The following BCL9 variants were observed in gnomAD, a reference collection of about 807,000 sequenced individuals.
The protein encoded by BCL9 is BCL9 transcription coactivator.
In BCL9, 25 loss-of-function variants were observed where a neutral mutation model predicts 88.5. The ratio of observed to expected loss-of-function variants is 0.28; its 90% confidence interval spans 0.21 to 0.39. The LOEUF is 0.39. Among genes scored for constraint, BCL9 ranks in the 10% least tolerant of loss-of-function variants. The probability of loss-of-function intolerance (pLI) is 1.00; values close to 1 mark genes in which losing one functional copy is unlikely to be tolerated. For missense variants in BCL9, 1,817 were observed against 1,877.8 expected (o/e 0.97, Z 0.60); for synonymous variants, 711 against 673.3 (o/e 1.06, Z -0.87).
At chr1:147,560,143 G>A (rs1210812838) in intron 1 of BCL9, among the ~76,000 whole-genome samples, 3 of 152,200 alleles carry the variant, frequency 2.0e-5, no homozygotes, top group Admixed American at 6.5e-5. Context: ...TATCAAGCTT[G>A]TTGGTAGGCA....
chr1:147,605,719 AGAG>A (rs1657665259), intron 2 of BCL9, among the ~76,000 whole-genome samples: 2 of 152,118 alleles, frequency 1.3e-5, no homozygotes, highest in Non-Finnish European at 2.9e-5. Context: ...ACTTTTTCTG[AGAG>A]GAAGCCTTTT....
chr1:147,568,095 C>T (rs1485568859), intron 1 of BCL9, among the ~76,000 whole-genome samples: 1 of 152,204 alleles, frequency 6.6e-6, no homozygotes, highest in Non-Finnish European at 1.5e-5. Context: ...CTAATGATCT[C>T]ACCTACCTCT....
At chr1:147,605,568 A>G (rs1657654501) in intron 2 of BCL9, among the ~76,000 whole-genome samples, 1 of 152,236 alleles carries the variant, frequency 6.6e-6, no homozygotes, top group African/African-American at 2.4e-5. Context: ...GTTAGCTATT[A>G]AAAGGTGACA....
chr1:147,622,217 C>A, intron 8 of BCL9, 54 bp from the exon 9 acceptor site: 1 of 1,607,684 alleles, frequency 6.2e-7, no homozygotes, highest in Non-Finnish European at 8.5e-7. Flanking sequence ...GCCCAATACC[C>A]TTCAAAAGGA....
chr1:147,581,365 T>A (rs1056381107), intron 1 of BCL9, among the ~76,000 whole-genome samples: 3 of 152,214 alleles, frequency 2.0e-5, no homozygotes, highest in Admixed American at 2.0e-4. Context: ...AAGGGAACCC[T>A]CTGTTTTCTT....
At chr1:147,579,159 C>T (rs1289968260) in intron 1 of BCL9, among the ~76,000 whole-genome samples, 1 of 152,172 alleles carries the variant, frequency 6.6e-6, no homozygotes, top group African/African-American at 2.4e-5. Context: ...AGCCACCGCG[C>T]CCAGCTGAAA....
At chr1:147,592,732 C>A (rs587610405) in intron 1 of BCL9, among the ~76,000 whole-genome samples, 58 of 152,260 alleles carry the variant, frequency 3.8e-4, no homozygotes, top group Non-Finnish European at 1.0e-4. Flanking sequence ...TTTGGAAAAT[C>A]CAGAGATGAC....
At chr1:147,548,552 C>A (rs373832940) in intron 1 of BCL9, among the ~76,000 whole-genome samples, 8 of 152,306 alleles carry the variant, frequency 5.3e-5, no homozygotes, top group African/African-American at 1.9e-4. Context: ...TATCATACTG[C>A]ACTAGAATCA....
At chr1:147,555,392 C>T (rs1268344434) in intron 1 of BCL9, among the ~76,000 whole-genome samples, 2 of 152,222 alleles carry the variant, frequency 1.3e-5, no homozygotes, top group Admixed American at 1.3e-4. Flanking sequence ...TAAGCCCTCT[C>T]TTCCCCTGTA....
chr1:147,543,756 G>A (rs782109502), intron 1 of BCL9, among the ~76,000 whole-genome samples: 11 of 152,112 alleles, frequency 7.2e-5, no homozygotes, highest in East Asian at 1.9e-4. Context: ...GATCTGAGGC[G>A]GGTGCAACAA....
chr1:147,612,836 C>CAGCT (rs1553202820), intron 4 of BCL9, 47 bp from the exon 5 acceptor site: 1 of 1,582,222 alleles, frequency 6.3e-7, no homozygotes, highest in Admixed American at 1.7e-5. Context: ...TTGTGCTGAC[C>CAGCT]AGCTGTATCT....
chr1:147,623,354 T>C (rs1458681124), intron 9 of BCL9, among the ~76,000 whole-genome samples: 1 of 152,228 alleles, frequency 6.6e-6, no homozygotes. Context: ...GAACATTTCG[T>C]GGAATCTCGA....
chr1:147,624,961 C>T lies in BCL9; in HGVS notation c.*2C>T. 2 of 1,604,542 alleles carry T rather than the reference C, an allele frequency of 1.2e-6. No individual in the cohort carries two copies. Among genetic ancestry groups the T allele is most frequent in the Non-Finnish European group, 1.7e-6 (2 of 1,172,520 alleles). On this transcript the variant is annotated 3_prime_UTR_variant, in exon 10 of 10. Transcript: ENST00000234739. This position sits in a 1 kb window ranked among gnomAD's most constrained non-coding sequence, Gnocchi z 4.4. ...AACCCAGGAAACATGATGTTTTAAG[C>T]TGCTAAGATGGGATGTGCCGATCCT... is the stretch of plus-strand genomic sequence containing the variant.
intron 1 of BCL9, among the ~76,000 whole-genome samples, chr1:147,556,414 G>A (rs1406569332): frequency 1.3e-5 from 2 of 151,454 alleles, no homozygotes; most frequent in East Asian, 1.9e-4. Context: ...GTGAGCCACC[G>A]CGCCCAGCCT....
At chr1:147,600,122 G>A (rs1453529303) in intron 1 of BCL9, 1 of 152,470 alleles carries the variant, frequency 6.6e-6, no homozygotes, top group Non-Finnish European at 1.5e-5. Flanking sequence ...GGACCGGGAG[G>A]GGGGAGCCGG....
chr1:147,618,708 A>T, intron 7 of BCL9, 108 bp from the exon 8 acceptor site: 1 of 1,093,800 alleles, frequency 9.1e-7, no homozygotes, highest in Non-Finnish European at 1.2e-6. Context: ...AGCCAGTGTC[A>T]GTTAGATTTA....
chr1:147,554,953 A>T (rs1655040538), intron 1 of BCL9, among the ~76,000 whole-genome samples: 1 of 152,102 alleles, frequency 6.6e-6, no homozygotes, highest in Non-Finnish European at 1.5e-5. Flanking sequence ...CTTCTTAATG[A>T]TCTTGGCAAG....
chr1:147,598,092 T>C (rs1557844211), intron 1 of BCL9, among the ~76,000 whole-genome samples: 2 of 152,230 alleles, frequency 1.3e-5, no homozygotes, highest in Non-Finnish European at 2.9e-5. Context: ...TCCACCTACA[T>C]TAGCAATCCC....
intron 1 of BCL9, among the ~76,000 whole-genome samples, chr1:147,565,845 T>A (rs1193733237): frequency 6.6e-6 from 1 of 152,172 alleles, no homozygotes; most frequent in Non-Finnish European, 1.5e-5. Context: ...TCTTGGGACA[T>A]AGTAGGTGCT....
Sources: allele counts gnomAD v4.1 joint callset (sites outside exome capture counted in the v4.1 genomes callset), GRCh38; gene constraint gnomAD v4.1.1; non-coding constraint Gnocchi (gnomAD v3.1); transcripts MANE v1.5; gene names NCBI Gene and HGNC (gene_info 2026-07-23, HGNC 2026-07-21).